NRXN1: variants seen among roughly 807,000 people sequenced by gnomAD.
NRXN1 encodes neurexin-1.
A neutral mutation model predicts 150.9 loss-of-function variants in NRXN1; 39 were observed. The ratio of observed to expected loss-of-function variants is 0.26; its 90% confidence interval spans 0.20 to 0.34. NRXN1 has a LOEUF of 0.34. Ranked by LOEUF, NRXN1 falls within the 10% of genes least tolerant of loss-of-function variation. The pLI is 1.00. For synonymous variants in NRXN1, 924 were observed against 757.0 expected, an observed-to-expected ratio of 1.22 and a Z score of -3.62; for missense variants, 1,815 against 1,949.9, an observed-to-expected ratio of 0.93 and a Z score of 1.30.
At chr2:50,707,800 C>T (rs1694644778) in intron 5 of NRXN1, among the ~76,000 whole-genome samples, 1 of 152,082 alleles carries the variant, frequency 6.6e-6, no homozygotes, top group African/African-American at 2.4e-5. Context: ...TCATTCTTAG[C>T]CTAGAGATAA....
At chr2:50,468,833 T>C (rs2089185612) in intron 16 of NRXN1, among the ~76,000 whole-genome samples, 1 of 151,462 alleles carries the variant, frequency 6.6e-6, no homozygotes, top group Non-Finnish European at 1.5e-5. Context: ...TTTAATGAGA[T>C]AGTATAGGTA....
chr2:50,522,766 C>T (rs1247879662), intron 12 of NRXN1, among the ~76,000 whole-genome samples: 1 of 109,004 alleles, frequency 9.2e-6, no homozygotes, highest in Non-Finnish European at 1.7e-5. Context: ...GAGTCTTGCT[C>T]TCTCACCCAG....
intron 5 of NRXN1, among the ~76,000 whole-genome samples, chr2:50,913,411 A>G (rs1190650685): frequency 2.0e-5 from 3 of 151,760 alleles, no homozygotes; most frequent in African/African-American, 7.2e-5. Context: ...TACAGACTTT[A>G]TAATGCCAAG....
At chr2:50,311,393 C>A (rs1255067023) in intron 17 of NRXN1, among the ~76,000 whole-genome samples, 1 of 152,082 alleles carries the variant, frequency 6.6e-6, no homozygotes, top group East Asian at 1.9e-4. Context: ...TAAAGATATG[C>A]ACTGCTGACA....
At chr2:50,386,375 T>A (rs1426930804) in intron 17 of NRXN1, among the ~76,000 whole-genome samples, 1 of 152,034 alleles carries the variant, frequency 6.6e-6, no homozygotes, top group Non-Finnish European at 1.5e-5. Context: ...TTAAGAGTGA[T>A]CTCAACACAA....
At chr2:50,081,624 A>G (rs1697980418) in intron 19 of NRXN1, among the ~76,000 whole-genome samples, 1 of 152,216 alleles carries the variant, frequency 6.6e-6, no homozygotes, top group Non-Finnish European at 1.5e-5. Flanking sequence ...ACAAATATAA[A>G]TAGCATGAAA....
intron 5 of NRXN1, among the ~76,000 whole-genome samples, chr2:50,884,823 T>A (rs547274660): frequency 7.9e-4 from 119 of 150,640 alleles, no homozygotes; most frequent in Middle Eastern, 6.8e-3. Context: ...TACTGTTTTT[T>A]AAAAAAAAAA....
intron 12 of NRXN1, among the ~76,000 whole-genome samples, chr2:50,511,205 C>G (rs2092440869): frequency 6.6e-6 from 1 of 152,090 alleles, no homozygotes; most frequent in Non-Finnish European, 1.5e-5. Context: ...GGATTACAGG[C>G]ACCCACTACC....
rs757831813 is a variant in NRXN1, at chr2:51,026,449, A to T, written c.772+1053T>A. On this transcript the variant is annotated intron_variant, in intron 2 of 22. Transcript: ENST00000401669. ...TCATGTAACAGCACCGGCAAAACAC[A>T]CTGAAGACCGAATTTTATTTCTAAA... is the stretch of plus-strand genomic sequence containing the variant. 3.1e-6 allele frequency: 5 copies of T among 1,603,348 alleles called. No homozygotes were observed. The African/African-American group carries it at 5.3e-5, about 17-fold the overall frequency.
At chr2:50,929,222 G>C (rs534129978) in intron 2 of NRXN1, among the ~76,000 whole-genome samples, 3 of 152,048 alleles carry the variant, frequency 2.0e-5, no homozygotes, top group Admixed American at 6.6e-5. Context: ...TTAAGTATAC[G>C]GTTCTAGGAA....
rs2105332712 is a variant in NRXN1, at chr2:51,028,016, G to A, written c.258C>T (p.Gly86=). Residue 86 remains glycine (G), a synonymous_variant, in exon 2 of 23, where the codon GGC becomes GGT. Transcript: ENST00000401669. ...CDFLELILTR[G]GRLQLSFSIF... is the part of the protein sequence containing the mutation. ...TGGAGAAGCTGAGCTGCAGGCGGCC[G>A]CCGCGCGTCAGAATCAGCTCCAGGA... 2 of 1,599,300 alleles carry A rather than the reference G, an allele frequency of 1.3e-6. No homozygotes were observed.
chr2:50,669,360 T>A (rs1406489037), intron 5 of NRXN1, among the ~76,000 whole-genome samples: 1 of 151,996 alleles, frequency 6.6e-6, no homozygotes, highest in Admixed American at 6.6e-5. Context: ...GAGTAGAATA[T>A]AATTTTTCCT....
chr2:50,359,603 TTATA>T (rs1288082066), intron 17 of NRXN1, among the ~76,000 whole-genome samples: 1 of 151,524 alleles, frequency 6.6e-6, no homozygotes, highest in Non-Finnish European at 1.5e-5. Context: ...ATATATGGGA[TTATA>T]TGAAAAGACC....
At chr2:50,255,767 CAA>C (rs2067640104) in intron 17 of NRXN1, among the ~76,000 whole-genome samples, 2 of 152,066 alleles carry the variant, frequency 1.3e-5, no homozygotes, top group African/African-American at 2.4e-5. Flanking sequence ...CATCTGTTTT[CAA>C]AGTCATTTAA....
At chr2:50,702,098 C>T (rs562470539) in intron 5 of NRXN1, among the ~76,000 whole-genome samples, 2 of 151,792 alleles carry the variant, frequency 1.3e-5, no homozygotes, top group Admixed American at 6.6e-5. Context: ...TACAGGTATT[C>T]GAAGGAAAAA....
rs144812021 is a variant in NRXN1 at position 50,901,141 on chromosome 2, C to T, written c.832+20728G>A. ...CCATTAAAATGTGAGTACCATGATCCATGATTTTCATCTGTTCATTTCCCT... is the reference window on the plus strand; with the variant it reads ...CCATTAAAATGTGAGTACCATGATCTATGATTTTCATCTGTTCATTTCCCT... On this transcript the variant is annotated intron_variant, in intron 5 of 22. Coordinates refer to ENST00000401669, the MANE Select transcript of NRXN1 (RefSeq NM_001330078.2). Among the ~76,000 whole-genome samples the T allele has an allele frequency of 1.4e-3, 218 of 152,138 alleles. 3 individuals carry two copies. The highest frequency in any genetic ancestry group is 5.0e-3 in the African/African-American group (208 of 41,512).
At chr2:50,952,174 G>A (rs917529026) in intron 2 of NRXN1, among the ~76,000 whole-genome samples, 1 of 151,072 alleles carries the variant, frequency 6.6e-6, no homozygotes, top group East Asian at 1.9e-4. Flanking sequence ...CACCGTTTTA[G>A]CCGGGATGGT....
At chr2:50,099,430 T>C (rs1700710135) in intron 18 of NRXN1, among the ~76,000 whole-genome samples, 1 of 152,144 alleles carries the variant, frequency 6.6e-6, no homozygotes, top group African/African-American at 2.4e-5. Context: ...TATGGTTCAG[T>C]GGTTTTAGTA....
At chr2:51,012,919 C>A (rs1346984958) in intron 2 of NRXN1, among the ~76,000 whole-genome samples, 2 of 152,116 alleles carry the variant, frequency 1.3e-5, no homozygotes, top group East Asian at 1.9e-4. Context: ...CCTCTAATCT[C>A]ATCCTCCTCC....
Sources: gnomAD v4.1 joint callset for allele counts (sites outside exome capture counted in the v4.1 genomes callset) on GRCh38, gnomAD v4.1.1 for gene constraint, MANE v1.5 for transcripts, NCBI Gene and HGNC (gene_info 2026-07-23, HGNC 2026-07-21) for gene names.